Variants in CALU observed in about 807,000 individuals in gnomAD.
CALU encodes the protein IEF SSP 9302.
In CALU, 13 loss-of-function variants were observed where a neutral mutation model predicts 37.5. That is an observed-to-expected ratio of 0.35 (90% CI 0.23 to 0.55). CALU has a LOEUF of 0.55. Ranked by LOEUF, CALU falls within the 20% of genes least tolerant of loss-of-function variation. CALU has a pLI of 0.89. For synonymous variants in CALU, 114 were observed against 133.8 expected, an observed-to-expected ratio of 0.85 and a Z score of 1.02; for missense variants, 282 against 391.7, an observed-to-expected ratio of 0.72 and a Z score of 2.36.
At chr7:128,746,449 T>C (rs1800441780) in intron 1 of CALU, among the ~76,000 whole-genome samples, 1 of 151,482 alleles carries the variant, frequency 6.6e-6, no homozygotes, top group Non-Finnish European at 1.5e-5. Context: ...TGAGCCACCA[T>C]GCCTGGCTGC....
At chr7:128,764,037 A>G (rs1801226951) in intron 5 of CALU, among the ~76,000 whole-genome samples, 2 of 152,252 alleles carry the variant, frequency 1.3e-5, no homozygotes, top group Admixed American at 1.3e-4. Context: ...GTTCACTTAA[A>G]TAACTCCTGA....
chr7:128,756,807 GGCTTATGCCTATAAT>G (rs1800902148), intron 3 of CALU, among the ~76,000 whole-genome samples: 1 of 152,170 alleles, frequency 6.6e-6, no homozygotes, highest in African/African-American at 2.4e-5. Flanking sequence ...CAGGCACAGT[GGCTTATGCCTATAAT>G]CCTAGCATTT....
chr7:128,743,706 G>A (rs542650018), intron 1 of CALU, among the ~76,000 whole-genome samples: 1 of 152,048 alleles, frequency 6.6e-6, no homozygotes, highest in Admixed American at 6.6e-5. Flanking sequence ...ATTTTTGGTG[G>A]AGATGGGATT....
rs1465309122 is a variant in CALU at position 128,748,588 on chromosome 7, A to G, written c.5A>G (p.Asp2Gly). The G allele has an allele frequency of 6.2e-7, 1 of 1,613,580 alleles. No individual in the cohort carries two copies. ...TTTCTTCAAGATCTAATTATCATGG[A>G]CCTGCGACAGTTTCTTATGTGCCTG... M[D>G]LRQFLMCLSL... The change falls in exon 2 of 7, where the codon GAC becomes GGC. Residue 2 changes from aspartate to glycine, a missense_variant. Transcript: ENST00000249364.
intron 2 of CALU, 49 bp downstream of exon 2, chr7:128,748,853 T>C (rs1800550093): frequency 2.4e-6 from 3 of 1,258,580 alleles, no homozygotes; most frequent in Non-Finnish European, 3.5e-6. Context: ...ACATTCTTTA[T>C]AAAGGCTAAT....
In CALU at chr7:128,771,451, T is replaced by C. The variant is rs1432132981; in HGVS notation, c.*2284T>C. The C allele has an allele frequency of 6.6e-6, 1 of 152,638 alleles. No individual in the cohort carries two copies. The highest frequency in any genetic ancestry group is 1.5e-5 in the Non-Finnish European group (1 of 68,034). The allele number at this position is 152,638 out of a possible 1,614,324, so 9.5% of individuals were successfully genotyped here. A position where few individuals can be genotyped will look rare whatever the true frequency, so the allele number is the denominator to read the frequency against. On this transcript the variant is annotated 3_prime_UTR_variant, in exon 7 of 7. Transcript: ENST00000249364. ...CAATGCGAACAGGTACCTATCTGTT[T>C]CTAAATAAAACTGTTTACATTCATT... is the stretch of plus-strand genomic sequence containing the variant.
rs545543097 is a variant in CALU, at chr7:128,746,071, CGTT to C, written c.-11-2498_-11-2496del. ...GCTTTTTATGTAAATGAGATCTTGA[CGTT>C]GTTTTGAACCTTGCTTTTTTTGTTC... On this transcript the variant is annotated intron_variant, in intron 1 of 6. Transcript: ENST00000249364. Among the ~76,000 whole-genome samples the C allele has an allele frequency of 5.0e-4, 75 of 151,012 alleles. 1 individual carries two copies. In the South Asian group the frequency reaches 6.3e-3, roughly 13 times the overall value.
intron 2 of CALU, among the ~76,000 whole-genome samples, chr7:128,752,670 G>A (rs374836201): frequency 2.0e-5 from 3 of 152,168 alleles, no homozygotes; most frequent in South Asian, 4.1e-4. Context: ...GTAGATAGAA[G>A]AGGATATTTA....
At chr7:128,744,140 A>G (rs1280808548) in intron 1 of CALU, among the ~76,000 whole-genome samples, 2 of 152,184 alleles carry the variant, frequency 1.3e-5, no homozygotes, top group East Asian at 3.9e-4. Context: ...CAGGAGGTGG[A>G]GGTTGCAGTG....
chr7:128,759,419 A>C (rs1307826180), intron 4 of CALU, among the ~76,000 whole-genome samples: 2 of 152,222 alleles, frequency 1.3e-5, no homozygotes, highest in Non-Finnish European at 2.9e-5. Flanking sequence ...AGTTACTGAC[A>C]ACATAGACTA....
chr7:128,769,089 C>G lies in CALU; in HGVS notation c.870C>G (p.Ile290Met). 6.2e-7 allele frequency: 1 copy of G among 1,611,802 alleles called. No individual in the cohort carries two copies. The highest frequency in any genetic ancestry group is 8.5e-7 in the Non-Finnish European group (1 of 1,178,088). The change falls in exon 7 of 7, where the codon ATC (isoleucine) becomes ATG (methionine). Residue 290 changes from isoleucine to methionine, a missense_variant. Physicochemically the swap from Ile to Met is conservative, Grantham distance 10. Transcript: ENST00000249364. The stretch of plus-strand genomic sequence containing the variant: ...ATGGCAAGCTTACCAAGGAGGAGAT[C>G]GTTGACAAGTATGACTTATTTGTTG... ...NKDGKLTKEE[I>M]VDKYDLFVGS...
chr7:128,753,750 CAA>C (rs1006237284), intron 2 of CALU, among the ~76,000 whole-genome samples: 3 of 152,056 alleles, frequency 2.0e-5, no homozygotes, highest in Non-Finnish European at 4.4e-5. Context: ...GTATTTTTAT[CAA>C]AAGTGTTACT....
At chr7:128,741,972 C>G (rs1800259205) in intron 1 of CALU, among the ~76,000 whole-genome samples, 1 of 152,140 alleles carries the variant, frequency 6.6e-6, no homozygotes, top group African/African-American at 2.4e-5. Context: ...CAGGGTTTTT[C>G]TTCTGCAGCC....
At chr7:128,759,489 T>C (rs906037053) in intron 4 of CALU, among the ~76,000 whole-genome samples, 1 of 152,198 alleles carries the variant, frequency 6.6e-6, no homozygotes, top group Non-Finnish European at 1.5e-5. Context: ...TTAGCATGAC[T>C]AAGGCTACCA....
chr7:128,747,363 T>C (rs1040228810), intron 1 of CALU, among the ~76,000 whole-genome samples: 10 of 152,338 alleles, frequency 6.6e-5, no homozygotes, highest in Non-Finnish European at 1.0e-4. Context: ...TGATGGATTT[T>C]CCTAAGTCTT....
At chr7:128,749,649 C>T (rs1800582223) in intron 2 of CALU, among the ~76,000 whole-genome samples, 3 of 152,174 alleles carry the variant, frequency 2.0e-5, no homozygotes, top group Admixed American at 2.0e-4. Flanking sequence ...TGATGGGTAG[C>T]ATTTTGATCA....
chr7:128,745,681 A>T (rs1800404242), intron 1 of CALU, among the ~76,000 whole-genome samples: 1 of 152,172 alleles, frequency 6.6e-6, no homozygotes, highest in Non-Finnish European at 1.5e-5. Context: ...TTAATGTTGT[A>T]TTTATAGAGC....
Position 128,754,338 on chromosome 7 carries a change from G to A in CALU, c.298G>A (p.Ala100Thr). The A allele has an allele frequency of 6.2e-7, 1 of 1,614,096 alleles. No homozygotes were observed. Among genetic ancestry groups the A allele is most frequent in the Non-Finnish European group, 8.5e-7 (1 of 1,179,952 alleles). The change falls in exon 3 of 7, where the codon GCA becomes ACA. Residue 100 changes from alanine (A) to threonine (T), a missense_variant. Ala to Thr is a moderately conservative substitution (Grantham distance 58). Transcript: ENST00000249364. ...TGAGCTCAAAGACTGGATTAAATTT[G>A]CACAAAAGCGCTGGATTTACGAGGA... ...VDELKDWIKFAQKRWIYEDVE... is the reference protein window; with the variant it reads ...VDELKDWIKFTQKRWIYEDVE...
At position 128,754,445 on chromosome 7, in the gene CALU, C is replaced by A. The variant is rs1800790886; in HGVS notation, c.405C>A (p.Gly135=). 1 of 1,612,810 alleles carries A rather than the reference C, an allele frequency of 6.2e-7. No homozygotes were observed. Among genetic ancestry groups the A allele is most frequent in the African/African-American group, 1.3e-5 (1 of 74,848 alleles). ...AGGAGTATAAAAATGCCACCTACGG[C>A]TACGTTTTAGGTAGGTCCCTACTGT... ...SWEEYKNATY[G]YVLDDPDPDD... is the part of the protein sequence containing the mutation. Residue 135 remains glycine (G), a synonymous_variant, in exon 3 of 7, where the codon GGC becomes GGA. Coordinates refer to ENST00000249364, the MANE Select transcript of CALU (RefSeq NM_001219.5).
Sources: gnomAD v4.1 joint callset for allele counts (sites outside exome capture counted in the v4.1 genomes callset) on GRCh38, gnomAD v4.1.1 for gene constraint, MANE v1.5 for transcripts, NCBI Gene and HGNC (gene_info 2026-07-23, HGNC 2026-07-21) for gene names.